The following AKR1C1 variants were observed in gnomAD, a reference collection of about 807,000 sequenced individuals.
AKR1C1 encodes the protein 20 alpha-hydroxysteroid dehydrogenase.
Under a neutral mutation model 40.6 loss-of-function variants are expected in AKR1C1, and 32 were observed. That is an observed-to-expected ratio of 0.79 (90% CI 0.60 to 1.06). AKR1C1 has a LOEUF of 1.06. Ranked by LOEUF, AKR1C1 falls within the 50% of genes least tolerant of loss-of-function variation. The pLI is 0.00. For synonymous variants in AKR1C1, 105 were observed against 134.2 expected, an observed-to-expected ratio of 0.78 and a Z score of 1.50; for missense variants, 320 against 363.5, an observed-to-expected ratio of 0.88 and a Z score of 0.97.
intron 5 of AKR1C1, among the ~76,000 whole-genome samples, chr10:4,971,604 C>T (rs1429121713): frequency 6.8e-6 from 1 of 147,620 alleles, no homozygotes; most frequent in Non-Finnish European, 1.5e-5. Context: ...CATAGGGAAC[C>T]CACTGGTGAC....
intron 1 of AKR1C1, among the ~76,000 whole-genome samples, chr10:4,965,335 G>C (rs557303274): frequency 3.9e-5 from 6 of 152,006 alleles, no homozygotes; most frequent in Admixed American, 3.9e-4. Flanking sequence ...GCAGTGGTGC[G>C]ACCTCAGCTC....
chr10:4,977,771 G>T lies in AKR1C1; in HGVS notation c.*29G>T. On this transcript the variant is annotated 3_prime_UTR_variant, in exon 9 of 9. Transcript: ENST00000380872. ...GGAGGGCATTGCATGAGGTCTGCCAGAAGGCCCTGCGTGTGGATGGTGACA... is the reference window on the plus strand; with the variant it reads ...GGAGGGCATTGCATGAGGTCTGCCATAAGGCCCTGCGTGTGGATGGTGACA... The T allele has an allele frequency of 6.3e-7, 1 of 1,580,346 alleles. No homozygotes were observed. Among genetic ancestry groups the T allele is most frequent in the Non-Finnish European group, 8.7e-7 (1 of 1,151,236 alleles).
chr10:4,969,827 T>A, intron 5 of AKR1C1: 1 of 1,372,228 alleles, frequency 7.3e-7, no homozygotes, highest in East Asian at 2.5e-5. Flanking sequence ...ATTTTATGTT[T>A]TAAAACTTAG....
intron 2 of AKR1C1, 75 bp downstream of exon 2, chr10:4,966,156 A>G (rs986242888): frequency 1.9e-6 from 3 of 1,547,564 alleles, no homozygotes; most frequent in Non-Finnish European, 2.6e-6. Flanking sequence ...CTATGACTGG[A>G]TCCATAGTAT....
intron 5 of AKR1C1, among the ~76,000 whole-genome samples, chr10:4,971,220 A>G (rs1554769801): frequency 6.6e-6 from 1 of 151,854 alleles, no homozygotes; most frequent in African/African-American, 2.4e-5. Flanking sequence ...AATTTTAACC[A>G]CTTGTTTAAC....
At chr10:4,967,260 C>T (rs1334915690) in intron 3 of AKR1C1, 3 of 1,023,510 alleles carry the variant, frequency 2.9e-6, no homozygotes, top group Non-Finnish European at 3.9e-6. Context: ...GCAGAACTCT[C>T]AAAGCCTCTG....
chr10:4,975,022 T>G (rs1254169928), intron 7 of AKR1C1, among the ~76,000 whole-genome samples: 1 of 152,130 alleles, frequency 6.6e-6, no homozygotes, highest in African/African-American at 2.4e-5. Context: ...TTCCAATGCA[T>G]GATCATAATA....
intron 8 of AKR1C1, among the ~76,000 whole-genome samples, chr10:4,976,701 G>A (rs559019890): frequency 1.1e-4 from 16 of 152,232 alleles, no homozygotes; most frequent in African/African-American, 3.9e-4. Context: ...ATTCATAGAA[G>A]GTCATTCATA....
rs540652839 is a variant in AKR1C1 at position 4,977,781 on chromosome 10, C to T, written c.*39C>T. ...GCATGAGGTCTGCCAGAAGGCCCTG[C>T]GTGTGGATGGTGACACAGAGGATGG... On this transcript the variant is annotated 3_prime_UTR_variant, in exon 9 of 9. Coordinates refer to ENST00000380872, the MANE Select transcript of AKR1C1 (RefSeq NM_001353.6). 9.9e-6 allele frequency: 15 copies of T among 1,513,354 alleles called. No homozygotes were observed. Among genetic ancestry groups the T allele is most frequent in the South Asian group, 5.7e-5 (5 of 88,226 alleles). The allele number at this position is 1,513,354 out of a possible 1,614,324, so 93.7% of individuals were successfully genotyped here.
Position 4,982,784 on chromosome 10 carries a change from C to T in AKR1C1, c.*5042C>T, listed in dbSNP as rs1554771226. 2 of 317,420 alleles carry T rather than the reference C, an allele frequency of 6.3e-6. No individual in the cohort carries two copies. Among genetic ancestry groups the T allele is most frequent in the Non-Finnish European group, 1.3e-5 (2 of 159,806 alleles). 19.7% of individuals were successfully genotyped at this position (317,420 alleles called of 1,614,324 possible). A position where few individuals can be genotyped will look rare whatever the true frequency, so the allele number is the denominator to read the frequency against. ...CACCTCCTAGCTGGAGACCAACCAG[C>T]ACAGTCCACACAGCACCTCAAGGAA... On this transcript the variant is annotated 3_prime_UTR_variant, in exon 9 of 9. Transcript: ENST00000380872.
In AKR1C1 at chr10:4,979,207, C is replaced by T. The variant is rs782097564; in HGVS notation, c.*1465C>T. ...AGTAGGCCATAAACTTTGGAGGGCC[C>T]TAGACCAATTTTTTGGATTATTTTT... is the stretch of plus-strand genomic sequence containing the variant. On this transcript the variant is annotated 3_prime_UTR_variant, in exon 9 of 9. Coordinates refer to ENST00000380872, the MANE Select transcript of AKR1C1 (RefSeq NM_001353.6). 8.5e-5 allele frequency: 13 copies of T among 152,128 alleles called. No homozygotes were observed. Among genetic ancestry groups the T allele is most frequent in the Non-Finnish European group, 1.8e-4 (12 of 68,024 alleles). The allele number at this position is 152,128 out of a possible 1,614,324, so 9.4% of individuals were successfully genotyped here. A position where few individuals can be genotyped will look rare whatever the true frequency, so the allele number is the denominator to read the frequency against.
chr10:4,970,476 CT>C (rs1341410292), intron 5 of AKR1C1, among the ~76,000 whole-genome samples: 1 of 152,088 alleles, frequency 6.6e-6, no homozygotes, highest in African/African-American at 2.4e-5. Context: ...TTTTATCATG[CT>C]GTGTTTTTCA....
At position 4,980,672 on chromosome 10, in the gene AKR1C1, C is replaced by A. The variant is rs1337590942; in HGVS notation, c.*2930C>A. 1 of 151,174 alleles carries A rather than the reference C, an allele frequency of 6.6e-6. No homozygotes were observed. 9.4% of individuals were successfully genotyped at this position (151,174 alleles called of 1,614,324 possible). On this transcript the variant is annotated 3_prime_UTR_variant, in exon 9 of 9. Transcript: ENST00000380872. Reference sequence around the variant, plus strand: ...GAGATTGCAAGCATTCAGTAACTTGCAAGCTCCAATTTGAATTCTAGTTGT... The same window carrying A: ...GAGATTGCAAGCATTCAGTAACTTGAAAGCTCCAATTTGAATTCTAGTTGT...
rs7097713 is a variant in AKR1C1 at position 4,968,923 on chromosome 10, G to A, written c.549G>A (p.Lys183=). 3,017 of 1,614,164 alleles carry A rather than the reference G, an allele frequency of 1.9e-3. 49 individuals are homozygous for A. The African/African-American group carries it at 0.036, about 19-fold the overall frequency. Reference sequence around the variant, plus strand: ...TGATCCTCAACAAGCCAGGGCTCAAGTACAAGCCTGTCTGCAACCAGGTGA... The same window carrying A: ...TGATCCTCAACAAGCCAGGGCTCAAATACAAGCCTGTCTGCAACCAGGTGA... ...LEMILNKPGL[K]YKPVCNQVEC... The change falls in exon 5 of 9, where the codon AAG becomes AAA. Residue 183 remains lysine (K), a synonymous_variant. Coordinates refer to ENST00000380872, the MANE Select transcript of AKR1C1 (RefSeq NM_001353.6).
intron 5 of AKR1C1, among the ~76,000 whole-genome samples, chr10:4,971,533 T>G (rs1554769837): frequency 6.8e-6 from 1 of 146,822 alleles, no homozygotes; most frequent in Non-Finnish European, 1.5e-5. Context: ...AAAATATATA[T>G]GAAAGAAGAA....
chr10:4,974,262 G>GT (rs1423017370), intron 7 of AKR1C1, among the ~76,000 whole-genome samples: 1 of 151,406 alleles, frequency 6.6e-6, no homozygotes, highest in Non-Finnish European at 1.5e-5. Context: ...TATGACATAT[G>GT]TGTTATATAA....
At chr10:4,977,636 T>C in intron 8 of AKR1C1, 64 bp from the exon 9 acceptor site, 2 of 1,608,438 alleles carry the variant, frequency 1.2e-6, no homozygotes, top group South Asian at 1.1e-5. Context: ...TAGAAATCAC[T>C]GCACTACCCG....
At chr10:4,975,183 C>T (rs1293171367) in intron 7 of AKR1C1, among the ~76,000 whole-genome samples, 3 of 151,960 alleles carry the variant, frequency 2.0e-5, no homozygotes, top group African/African-American at 7.2e-5. Context: ...AATAATGCAA[C>T]AAATCTTCTT....
chr10:4,970,374 T>G (rs1836403740), intron 5 of AKR1C1, among the ~76,000 whole-genome samples: 1 of 152,218 alleles, frequency 6.6e-6, no homozygotes, highest in African/African-American at 2.4e-5. Flanking sequence ...TCAGTTAACT[T>G]GTTTTTCCCA....
Sources: allele counts gnomAD v4.1 joint callset (sites outside exome capture counted in the v4.1 genomes callset), GRCh38; gene constraint gnomAD v4.1.1; transcripts MANE v1.5; gene names NCBI Gene and HGNC (gene_info 2026-07-23, HGNC 2026-07-21).